NFIA: variants seen among roughly 807,000 people sequenced by gnomAD.
NFIA encodes nuclear factor 1 A-type.
In NFIA, 8 loss-of-function variants were observed where a neutral mutation model predicts 62.8. The observed-to-expected ratio is 0.13, with a 90% CI of 0.07 to 0.23. NFIA has a LOEUF of 0.23. Ranked by LOEUF, NFIA falls within the 10% of genes least tolerant of loss-of-function variation. The pLI, the probability that NFIA is intolerant of heterozygous loss-of-function variation, is 1.00. For missense variants in NFIA, 410 were observed against 642.1 expected (o/e 0.64, Z 3.91); for synonymous variants, 235 against 238.1 (o/e 0.99, Z 0.12).
At chr1:61,405,987 CA>C (rs1665799664) in intron 8 of NFIA, among the ~76,000 whole-genome samples, 1 of 152,036 alleles carries the variant, frequency 6.6e-6, no homozygotes, top group South Asian at 2.1e-4. Flanking sequence ...AATATGTGAA[CA>C]AAATTTTCTA....
chr1:61,277,197 G>A (rs1048432015), intron 2 of NFIA, among the ~76,000 whole-genome samples: 3 of 152,198 alleles, frequency 2.0e-5, no homozygotes, highest in Non-Finnish European at 4.4e-5. Flanking sequence ...AGACTCGAGT[G>A]TATAAATAGT....
chr1:61,219,555 A>G (rs548385056), intron 2 of NFIA, among the ~76,000 whole-genome samples: 1 of 152,002 alleles, frequency 6.6e-6, no homozygotes, highest in East Asian at 2.0e-4. Context: ...TCTACTAAAA[A>G]TACAAAAAAT....
intron 2 of NFIA, among the ~76,000 whole-genome samples, chr1:61,089,524 A>C (rs1357601068): frequency 6.6e-6 from 1 of 152,070 alleles, no homozygotes; most frequent in Non-Finnish European, 1.5e-5. Flanking sequence ...CAAAAGGCTC[A>C]TTGTGCTATG....
intron 2 of NFIA, among the ~76,000 whole-genome samples, chr1:61,165,770 A>G (rs528258708): frequency 5.3e-5 from 8 of 152,304 alleles, no homozygotes; most frequent in Admixed American, 1.3e-4. Flanking sequence ...GATAATCTGA[A>G]GGGTTACTCC....
intron 2 of NFIA, among the ~76,000 whole-genome samples, chr1:61,185,635 CTTTTT>C (rs755426214): frequency 2.3e-5 from 3 of 130,704 alleles, no homozygotes; most frequent in East Asian, 2.2e-4. Context: ...TCTAACCCCA[CTTTTT>C]TTTTTTTTTT....
intron 2 of NFIA, among the ~76,000 whole-genome samples, chr1:61,147,016 A>AT: frequency 1.3e-5 from 2 of 152,128 alleles, no homozygotes; most frequent in African/African-American, 4.8e-5. Context: ...AATCTTACGG[A>AT]TGGCTCTTTT....
At chr1:61,092,739 C>T (rs1373337943) in intron 2 of NFIA, among the ~76,000 whole-genome samples, 5 of 152,154 alleles carry the variant, frequency 3.3e-5, no homozygotes, top group Non-Finnish European at 7.4e-5. Flanking sequence ...ATTTTGGCTT[C>T]GTGATTGCCA....
intron 2 of NFIA, among the ~76,000 whole-genome samples, chr1:61,184,386 A>C (rs1242603325): frequency 6.6e-6 from 1 of 152,180 alleles, no homozygotes; most frequent in Non-Finnish European, 1.5e-5. Context: ...AAAACTTGCT[A>C]CCTCCACAGA....
At chr1:61,177,653 T>TTGTGTGTGTGTGTGTGTGTGTG (rs56299869) in intron 2 of NFIA, among the ~76,000 whole-genome samples, 5 of 146,054 alleles carry the variant, frequency 3.4e-5, no homozygotes, top group South Asian at 2.2e-4. Flanking sequence ...GTTTTCTCTA[T>TTGTGTGTGTGTGTGTGTGTGTG]TGTGTGTGTG....
chr1:61,161,533 A>C (rs1649200089), intron 2 of NFIA, among the ~76,000 whole-genome samples: 1 of 152,128 alleles, frequency 6.6e-6, no homozygotes, highest in Non-Finnish European at 1.5e-5. Context: ...CAAGAGGTCG[A>C]GATGGATAGT....
upstream of NFIA, chr1:61,082,266 G>A (rs1266133932): frequency 5.0e-5 from 21 of 423,708 alleles, no homozygotes; most frequent in Admixed American, 4.2e-4. Context: ...GCGAGCCACG[G>A]AGAGAGCCGG....
intron 7 of NFIA, among the ~76,000 whole-genome samples, chr1:61,402,489 T>A (rs1665617459): frequency 6.6e-6 from 1 of 152,150 alleles, no homozygotes; most frequent in Non-Finnish European, 1.5e-5. Context: ...AACAAATATT[T>A]ATTGAGTGCC....
rs1646958359 is a variant in NFIA, at chr1:61,125,876, G to C, written c.559+37196G>C. Among the ~76,000 whole-genome samples, 5 of 152,108 alleles carry C rather than the reference G, an allele frequency of 3.3e-5. No individual in the cohort carries two copies. In the South Asian group the frequency reaches 1.0e-3, roughly 32 times the overall value. On this transcript the variant is annotated intron_variant, in intron 2 of 10. Transcript: ENST00000403491. Reference sequence around the variant, plus strand: ...GATGTCTAGCCACCTTCCTCTGTAGGAACCTCTCGTGATACCCTGAAAGCC... The same window carrying C: ...GATGTCTAGCCACCTTCCTCTGTAGCAACCTCTCGTGATACCCTGAAAGCC...
chr1:61,324,858 C>T (rs1358240373), intron 3 of NFIA, among the ~76,000 whole-genome samples: 2 of 152,130 alleles, frequency 1.3e-5, no homozygotes, highest in African/African-American at 2.4e-5. Context: ...ATATTTCTAC[C>T]TCTCCCATAT....
At chr1:61,250,854 T>G (rs778678717) in intron 2 of NFIA, among the ~76,000 whole-genome samples, 5 of 152,214 alleles carry the variant, frequency 3.3e-5, no homozygotes, top group Non-Finnish European at 5.9e-5. Context: ...AAAACTTTGT[T>G]GAAAAATCAG....
At chr1:61,299,810 C>T (rs1013181706) in intron 3 of NFIA, among the ~76,000 whole-genome samples, 5 of 152,122 alleles carry the variant, frequency 3.3e-5, no homozygotes, top group Non-Finnish European at 7.4e-5. Context: ...TAGTGAATAG[C>T]TAAGTTGTAT....
intron 6 of NFIA, among the ~76,000 whole-genome samples, chr1:61,382,980 A>G (rs1664494835): frequency 1.3e-5 from 2 of 152,218 alleles, no homozygotes; most frequent in African/African-American, 4.8e-5. Context: ...CTGTATTATT[A>G]TTGAAGACCA....
At chr1:61,161,127 C>CT (rs751255065) in intron 2 of NFIA, among the ~76,000 whole-genome samples, 4 of 152,206 alleles carry the variant, frequency 2.6e-5, no homozygotes, top group Non-Finnish European at 2.9e-5. Flanking sequence ...ATTGGCCAGG[C>CT]TGGTCTCGAA....
intron 2 of NFIA, among the ~76,000 whole-genome samples, chr1:61,142,926 C>T (rs1245775267): frequency 6.6e-6 from 1 of 152,080 alleles, no homozygotes; most frequent in Non-Finnish European, 1.5e-5. Context: ...CTCACCCTGG[C>T]GAGGAGAACC....
Sources: gnomAD v4.1 joint callset for allele counts (sites outside exome capture counted in the v4.1 genomes callset) on GRCh38, gnomAD v4.1.1 for gene constraint, MANE v1.5 for transcripts, NCBI Gene and HGNC (gene_info 2026-07-23, HGNC 2026-07-21) for gene names.